The following AGXT2 variants were observed in gnomAD, a reference collection of about 807,000 sequenced individuals.
AGXT2 encodes alanine--glyoxylate aminotransferase 2.
In AGXT2, 61 loss-of-function variants were observed where a neutral mutation model predicts 62.5. The ratio of observed to expected loss-of-function variants is 0.98; its 90% CI spans 0.79 to 1.21. The LOEUF (loss-of-function observed/expected upper bound fraction) is 1.21. Ranked by LOEUF, AGXT2 falls within the 50% of genes most tolerant of loss-of-function variation. The pLI is 0.00. For synonymous variants in AGXT2, 243 were observed against 218.7 expected, an observed-to-expected ratio of 1.11 and a Z score of -0.98; for missense variants, 666 against 641.5, an observed-to-expected ratio of 1.04 and a Z score of -0.41.
In AGXT2 at chr5:35,028,915, A is replaced by G. The variant is rs560131561; in HGVS notation, c.770-2405T>C. Among the ~76,000 whole-genome samples, 13 of 152,298 alleles carry G rather than the reference A, an allele frequency of 8.5e-5. No individual in the cohort carries two copies. In the East Asian group the frequency reaches 2.5e-3, roughly 29 times the overall value. On this transcript the variant is annotated intron_variant, in intron 7 of 13. Coordinates refer to ENST00000231420, the MANE Select transcript of AGXT2 (RefSeq NM_031900.4). The stretch of plus-strand genomic sequence containing the variant: ...TGTCTCCACGGTGCTAGACAGAAGG[A>G]ACAGAAACCTTCTGCAATCACCATC...
intron 13 of AGXT2, 120 bp from the exon 14 acceptor site, chr5:34,998,946 A>T: frequency 1.3e-6 from 1 of 789,166 alleles, no homozygotes; most frequent in Non-Finnish European, 2.1e-6. Context: ...TGTTTCTCTC[A>T]GTTTGGTTCC....
intron 12 of AGXT2, 137 bp from the exon 13 acceptor site, chr5:35,003,998 C>T: frequency 2.8e-6 from 2 of 721,004 alleles, no homozygotes; most frequent in Non-Finnish European, 4.7e-6. Context: ...TCTCTCTGTC[C>T]TCTCCTTCCC....
Position 35,013,062 on chromosome 5 carries a change from G to A in AGXT2, c.1097-17C>T, listed in dbSNP as rs1389455760. Reference sequence around the variant, plus strand: ...TGGCAATCTCTAGAGGGAGAAAATAGAAGGTGTGGAAAGAGGGACACATTC... The same window carrying A: ...TGGCAATCTCTAGAGGGAGAAAATAAAAGGTGTGGAAAGAGGGACACATTC... On this transcript the variant is annotated splice_polypyrimidine_tract_variant and intron_variant, in intron 10 of 13. Coordinates refer to ENST00000231420, the MANE Select transcript of AGXT2 (RefSeq NM_031900.4). The A allele has an allele frequency of 6.5e-7, 1 of 1,549,316 alleles. No homozygotes were observed. Among genetic ancestry groups the A allele is most frequent in the African/African-American group, 1.4e-5 (1 of 73,124 alleles).
chr5:35,004,952 T>C (rs1159186194), intron 12 of AGXT2, among the ~76,000 whole-genome samples: 1 of 152,178 alleles, frequency 6.6e-6, no homozygotes, highest in African/African-American at 2.4e-5. Flanking sequence ...TTTTGTTCTG[T>C]CTTAAAGCCT....
chr5:35,013,849 C>T (rs980319927), intron 10 of AGXT2, 138 bp downstream of exon 10: 1 of 1,274,690 alleles, frequency 7.8e-7, no homozygotes, highest in African/African-American at 1.5e-5. Context: ...CAGACTGTTT[C>T]TCTCTTTCAT....
chr5:35,025,699 G>T lies in AGXT2; in HGVS notation c.963+64C>A, dbSNP rs558944626. 1,208 of 1,516,402 alleles carry T rather than the reference G, an allele frequency of 8.0e-4. 25 individuals are homozygous for T. The South Asian group carries it at 0.013, about 16-fold the overall frequency. 93.9% of individuals were successfully genotyped at this position (1,516,402 alleles called of 1,614,324 possible). A position where few individuals can be genotyped will look rare whatever the true frequency, so the allele number is the denominator to read the frequency against. ...TGCCTGGAACACAGAGGAAGTTTAGGAGGTTTCTGTCTGTGCATCTCCTGT... is the reference window on the plus strand; with the variant it reads ...TGCCTGGAACACAGAGGAAGTTTAGTAGGTTTCTGTCTGTGCATCTCCTGT... On this transcript the variant is annotated intron_variant, in intron 9 of 13. Transcript: ENST00000231420.
intron 7 of AGXT2, chr5:35,026,801 T>C (rs1300316581): frequency 3.1e-6 from 3 of 970,506 alleles, no homozygotes; most frequent in Non-Finnish European, 3.7e-6. Context: ...CAAAGTGTCA[T>C]TGAGCTGGTA....
intron 9 of AGXT2, among the ~76,000 whole-genome samples, chr5:35,025,035 T>C (rs1447668739): frequency 6.6e-6 from 1 of 152,106 alleles, no homozygotes. Flanking sequence ...GAAAGGTATA[T>C]GCTGCCAGGT....
chr5:35,043,914 A>G (rs1458058853), intron 1 of AGXT2, among the ~76,000 whole-genome samples: 3 of 152,124 alleles, frequency 2.0e-5, no homozygotes, highest in African/African-American at 7.2e-5. Flanking sequence ...CTGATCTCAA[A>G]CTTGTGAGAT....
chr5:35,040,093 A>G (rs76127881), intron 2 of AGXT2, among the ~76,000 whole-genome samples: 1 of 151,988 alleles, frequency 6.6e-6, no homozygotes. Flanking sequence ...GGGAGAAAGA[A>G]AGAGAGAGAA....
intron 5 of AGXT2, 28 bp from the exon 6 acceptor site, chr5:35,033,581 G>A: frequency 3.2e-6 from 5 of 1,577,190 alleles, no homozygotes; most frequent in Non-Finnish European, 4.4e-6. Context: ...CAGGAGGATG[G>A]GGTCAAGTTC....
intron 2 of AGXT2, 52 bp from the exon 3 acceptor site, chr5:35,039,560 GTCAA>G: frequency 6.3e-7 from 1 of 1,576,988 alleles, no homozygotes; most frequent in Non-Finnish European, 8.7e-7. Flanking sequence ...ATCAATAGCA[GTCAA>G]TCTATGAGTA....
At chr5:35,010,270 T>C in intron 11 of AGXT2, 121 bp from the exon 12 acceptor site, 1 of 1,258,684 alleles carries the variant, frequency 7.9e-7, no homozygotes, top group South Asian at 1.2e-5. Context: ...GCAGAACAAG[T>C]CTAGTGTGAC....
intron 4 of AGXT2, 33 bp downstream of exon 4, chr5:35,036,909 T>C (rs201219722): frequency 1.2e-6 from 2 of 1,613,214 alleles, no homozygotes; most frequent in Non-Finnish European, 1.7e-6. Context: ...TTTTCCCCCA[T>C]AACATTCACC....
At chr5:35,029,914 T>C (rs375941945) in intron 7 of AGXT2, among the ~76,000 whole-genome samples, 1 of 152,302 alleles carries the variant, frequency 6.6e-6, no homozygotes, top group East Asian at 1.9e-4. Flanking sequence ...CCCCTGCCTC[T>C]GTTGGGAGGG....
intron 9 of AGXT2, among the ~76,000 whole-genome samples, chr5:35,022,576 G>A (rs1380215433): frequency 8.3e-6 from 1 of 120,616 alleles, no homozygotes; most frequent in East Asian, 3.0e-4. Flanking sequence ...ACTGTTGTGG[G>A]GTGGGGGGAG....
At chr5:35,000,420 G>A (rs163838) in intron 13 of AGXT2, among the ~76,000 whole-genome samples, 33,519 of 151,868 alleles carry the variant, frequency 0.22, 4,200 homozygotes, top group East Asian at 0.44. Context: ...TCACTCTGTC[G>A]CTCAGGCTGG....
At chr5:35,001,926 C>A (rs573647636) in intron 13 of AGXT2, among the ~76,000 whole-genome samples, 1 of 152,128 alleles carries the variant, frequency 6.6e-6, no homozygotes, top group African/African-American at 2.4e-5. Flanking sequence ...GAAGGAAGGA[C>A]CAGATCTTAT....
Position 35,010,229 on chromosome 5 carries a change from A to G in AGXT2, c.1189-80T>C, listed in dbSNP as rs74407691. ...GAGAATCGTGGAGAAGTCATTTGACATGGCCCTCTTGTAACTTAACCAAAC... is the reference window on the plus strand; with the variant it reads ...GAGAATCGTGGAGAAGTCATTTGACGTGGCCCTCTTGTAACTTAACCAAAC... On this transcript the variant is annotated intron_variant, in intron 11 of 13. Coordinates refer to ENST00000231420, the MANE Select transcript of AGXT2 (RefSeq NM_031900.4). 423 of 1,558,540 alleles carry G rather than the reference A, an allele frequency of 2.7e-4. 1 individual carries two copies. The African/African-American group carries it at 5.1e-3, about 19-fold the overall frequency.
Sources: allele counts gnomAD v4.1 joint callset (sites outside exome capture counted in the v4.1 genomes callset), GRCh38; gene constraint gnomAD v4.1.1; transcripts MANE v1.5; gene names NCBI Gene and HGNC (gene_info 2026-07-23, HGNC 2026-07-21).